Variants in RNF11 observed in about 807,000 individuals in gnomAD.
The protein encoded by RNF11 is ring finger protein 11.
A neutral mutation model predicts 15.8 loss-of-function variants in RNF11; 4 were observed. The observed-to-expected ratio is 0.25, with a 90% CI of 0.12 to 0.58. The LOEUF (loss-of-function observed/expected upper bound fraction) is 0.58. Ranked by LOEUF, RNF11 falls within the 20% of genes least tolerant of loss-of-function variation. RNF11 has a pLI of 0.91. For missense variants in RNF11, 139 were observed against 194.4 expected (o/e 0.71, Z 1.70); for synonymous variants, 68 against 72.3 (o/e 0.94, Z 0.30).
intron 1 of RNF11, among the ~76,000 whole-genome samples, chr1:51,240,451 T>TA (rs1553168352): frequency 6.6e-6 from 1 of 151,976 alleles, no homozygotes; most frequent in African/African-American, 2.4e-5. Context: ...CCTGTTGTTT[T>TA]CCCCCCCAAT....
chr1:51,253,007 G>A (rs926248483), intron 1 of RNF11, among the ~76,000 whole-genome samples: 8 of 151,820 alleles, frequency 5.3e-5, no homozygotes, highest in Non-Finnish European at 8.8e-5. Flanking sequence ...TGTAGTTTTA[G>A]TAGAGATGGG....
At chr1:51,244,194 C>T (rs1356904459) in intron 1 of RNF11, among the ~76,000 whole-genome samples, 1 of 152,228 alleles carries the variant, frequency 6.6e-6, no homozygotes, top group Non-Finnish European at 1.5e-5. Context: ...TTTCACAAAG[C>T]ACGCACTTAT....
intron 1 of RNF11, among the ~76,000 whole-genome samples, chr1:51,247,980 G>A (rs967181440): frequency 6.6e-6 from 1 of 151,690 alleles, no homozygotes; most frequent in African/African-American, 2.4e-5. Flanking sequence ...AAAGTTACAT[G>A]TAATTTTGTA....
rs562208231 is a variant in RNF11 at position 51,251,921 on chromosome 1, A to G, written c.123+15042A>G. ...TGGTGAAACCCTGTTTCTACTAAAA[A>G]TATAAAAATTAGCTGGGTGTGGTAG... On this transcript the variant is annotated intron_variant, in intron 1 of 2. Transcript: ENST00000242719. Among the ~76,000 whole-genome samples, 21 of 152,158 alleles carry G rather than the reference A, an allele frequency of 1.4e-4. 1 individual carries two copies. The South Asian group carries it at 4.4e-3, about 32-fold the overall frequency.
chr1:51,262,715 CTTTTTTT>C (rs35542254), intron 1 of RNF11, among the ~76,000 whole-genome samples: 22 of 84,094 alleles, frequency 2.6e-4, no homozygotes, highest in East Asian at 7.2e-4. Context: ...GCCTGCTAAT[CTTTTTTT>C]TTTTTTTTTT....
intron 1 of RNF11, among the ~76,000 whole-genome samples, chr1:51,261,190 A>G (rs1177263528): frequency 6.6e-6 from 1 of 152,212 alleles, no homozygotes; most frequent in Non-Finnish European, 1.5e-5. Context: ...TAATCTTTAG[A>G]TTGAGGAGTA....
intron 2 of RNF11, 26 bp downstream of exon 2, chr1:51,270,151 T>G: frequency 1.9e-6 from 3 of 1,558,060 alleles, no homozygotes; most frequent in Non-Finnish European, 2.6e-6. Context: ...TTTGTACATT[T>G]CAAAGTTTTA....
chr1:51,244,050 T>G (rs1446664686), intron 1 of RNF11, among the ~76,000 whole-genome samples: 1 of 152,252 alleles, frequency 6.6e-6, no homozygotes, highest in Non-Finnish European at 1.5e-5. Flanking sequence ...TACACTTTTC[T>G]TAATCTGAAC....
At chr1:51,264,563 G>T (rs1646946918) in intron 1 of RNF11, among the ~76,000 whole-genome samples, 2 of 152,040 alleles carry the variant, frequency 1.3e-5, no homozygotes. Context: ...GGAGACTGCA[G>T]CTGGGAAGAA....
chr1:51,242,896 A>T (rs72896460), intron 1 of RNF11, among the ~76,000 whole-genome samples: 3,208 of 152,314 alleles, frequency 0.021, 95 homozygotes, highest in African/African-American at 0.065. Context: ...TCACGTATCT[A>T]GGCCTTATTA....
chr1:51,269,292 C>T (rs1646968503), intron 1 of RNF11, among the ~76,000 whole-genome samples: 1 of 152,140 alleles, frequency 6.6e-6, no homozygotes, highest in African/African-American at 2.4e-5. Context: ...ATAGGCCAGG[C>T]ACCATGGCTC....
At chr1:51,263,447 A>G (rs965793747) in intron 1 of RNF11, among the ~76,000 whole-genome samples, 3 of 151,792 alleles carry the variant, frequency 2.0e-5, no homozygotes, top group Non-Finnish European at 4.4e-5. Flanking sequence ...TGCACTTCAC[A>G]GGGTTGTGTG....
At position 51,271,531 on chromosome 1, in the gene RNF11, C is replaced by T; in HGVS notation, c.*209C>T. The T allele has an allele frequency of 2.1e-6, 1 of 479,460 alleles. No homozygotes were observed. Among genetic ancestry groups the T allele is most frequent in the South Asian group, 3.6e-5 (1 of 27,554 alleles). The allele number at this position is 479,460 out of a possible 1,614,324, so 29.7% of individuals were successfully genotyped here. On this transcript the variant is annotated 3_prime_UTR_variant, in exon 3 of 3. Transcript: ENST00000242719. ...GTAGGATGGTATTTTTATGTAAAGC[C>T]TTGACCCAATGTTTAAAAATATAAT...
intron 1 of RNF11, among the ~76,000 whole-genome samples, chr1:51,267,782 G>A (rs1646961505): frequency 1.3e-5 from 2 of 152,220 alleles, no homozygotes; most frequent in Non-Finnish European, 2.9e-5. Context: ...CCAGGCTAGA[G>A]TACAGTGGCA....
At chr1:51,269,573 GTTAGTC>G (rs1472690034) in intron 1 of RNF11, among the ~76,000 whole-genome samples, 4 of 152,214 alleles carry the variant, frequency 2.6e-5, no homozygotes, top group Non-Finnish European at 5.9e-5. Flanking sequence ...AAATGGGAAA[GTTAGTC>G]TTAGATAACT....
intron 1 of RNF11, among the ~76,000 whole-genome samples, chr1:51,242,246 G>A (rs1557676850): frequency 2.0e-5 from 3 of 151,974 alleles, no homozygotes; most frequent in Admixed American, 2.0e-4. Flanking sequence ...ATTGTTTTGG[G>A]GAGCTTTTTT....
intron 1 of RNF11, among the ~76,000 whole-genome samples, chr1:51,262,603 A>C (rs928329430): frequency 2.0e-5 from 3 of 152,076 alleles, no homozygotes; most frequent in African/African-American, 7.2e-5. Context: ...ACTGGAGTGC[A>C]GCAGCACAAT....
chr1:51,246,946 C>T (rs1198169541), intron 1 of RNF11, among the ~76,000 whole-genome samples: 2 of 148,962 alleles, frequency 1.3e-5, no homozygotes, highest in African/African-American at 2.5e-5. Flanking sequence ...CCACTGCATT[C>T]CAGCCTAGGC....
chr1:51,252,412 C>T (rs1372363624), intron 1 of RNF11, among the ~76,000 whole-genome samples: 5 of 151,908 alleles, frequency 3.3e-5, no homozygotes, highest in East Asian at 1.9e-4. Flanking sequence ...CTCAGGAATT[C>T]GAGACCAGCC....
Sources: gnomAD v4.1 joint callset for allele counts (sites outside exome capture counted in the v4.1 genomes callset) on GRCh38, gnomAD v4.1.1 for gene constraint, MANE v1.5 for transcripts, NCBI Gene and HGNC (gene_info 2026-07-23, HGNC 2026-07-21) for gene names.